RBFOX3: variants seen among roughly 807,000 people sequenced by gnomAD.
The protein encoded by RBFOX3 is RNA binding fox-1 homolog 3.
Under a neutral mutation model 48.7 loss-of-function variants are expected in RBFOX3, and 17 were observed. The observed-to-expected ratio is 0.35, with a 90% CI of 0.24 to 0.52. The LOEUF is 0.52. Ranked by LOEUF, RBFOX3 falls within the 20% of genes least tolerant of loss-of-function variation. The pLI is 0.94. For missense variants in RBFOX3, 382 were observed against 497.5 expected (o/e 0.77, Z 2.21); for synonymous variants, 212 against 209.5 (o/e 1.01, Z -0.10).
At chr17:79,374,231 G>C (rs906951871) in intron 2 of RBFOX3, among the ~76,000 whole-genome samples, 1 of 152,214 alleles carries the variant, frequency 6.6e-6, no homozygotes, top group Non-Finnish European at 1.5e-5. Flanking sequence ...AGGGAGAGGA[G>C]GGGCTGACGA....
intron 3 of RBFOX3, among the ~76,000 whole-genome samples, chr17:79,283,127 G>A (rs2070980652): frequency 6.6e-6 from 1 of 152,162 alleles, no homozygotes; most frequent in South Asian, 2.1e-4. Context: ...TAAAGCCATC[G>A]ATATTTTGTC....
chr17:79,470,852 T>A (rs1326864562), intron 2 of RBFOX3, among the ~76,000 whole-genome samples: 1 of 152,178 alleles, frequency 6.6e-6, no homozygotes, highest in Non-Finnish European at 1.5e-5. Context: ...CCCTCAGGGG[T>A]ACAGGTTTAA....
chr17:79,341,345 A>G lies in RBFOX3; in HGVS notation c.-174-33521T>C, dbSNP rs990500713. ...CAGAAATGTCCAATTCATATGCCACAGCCCACTTTTTTGCAGCCTCCTTTT... is the reference window on the plus strand; with the variant it reads ...CAGAAATGTCCAATTCATATGCCACGGCCCACTTTTTTGCAGCCTCCTTTT... On this transcript the variant is annotated intron_variant, in intron 2 of 14. Transcript: ENST00000693108. Among the ~76,000 whole-genome samples the G allele has an allele frequency of 2.0e-5, 3 of 152,238 alleles. No homozygotes were observed. The South Asian group carries it at 6.2e-4, about 32-fold the overall frequency.
At chr17:79,329,143 G>T (rs992929320) in intron 2 of RBFOX3, among the ~76,000 whole-genome samples, 8 of 152,108 alleles carry the variant, frequency 5.3e-5, no homozygotes, top group African/African-American at 1.9e-4. Flanking sequence ...CCTCTCCAGG[G>T]AACCATTCAC....
intron 2 of RBFOX3, among the ~76,000 whole-genome samples, chr17:79,322,931 T>G (rs889259040): frequency 6.6e-6 from 1 of 152,242 alleles, no homozygotes; most frequent in Admixed American, 6.5e-5. Flanking sequence ...CGTATTGGAT[T>G]GCTGGCACTG....
At chr17:79,416,956 T>C (rs1313352751) in intron 2 of RBFOX3, among the ~76,000 whole-genome samples, 22 of 152,226 alleles carry the variant, frequency 1.4e-4, no homozygotes, top group Admixed American at 1.4e-3. Flanking sequence ...ATCCGAGGAA[T>C]ACCACAGTTG....
intron 1 of RBFOX3, among the ~76,000 whole-genome samples, chr17:79,516,582 AC>A (rs1157845381): frequency 1.3e-5 from 2 of 152,208 alleles, no homozygotes; most frequent in African/African-American, 4.8e-5. Flanking sequence ...AGGTCCTGGG[AC>A]CCTCATTCCT....
chr17:79,414,344 C>T (rs545686994), intron 2 of RBFOX3, among the ~76,000 whole-genome samples: 23 of 152,300 alleles, frequency 1.5e-4, no homozygotes, highest in East Asian at 1.9e-4. Context: ...TAATGTACAG[C>T]GAGTTCCTTC....
intron 4 of RBFOX3, among the ~76,000 whole-genome samples, chr17:79,155,928 C>T (rs1490070344): frequency 6.6e-6 from 1 of 152,180 alleles, no homozygotes; most frequent in Non-Finnish European, 1.5e-5. Flanking sequence ...GCCTTGGTGC[C>T]AATTCAGCAT....
chr17:79,273,802 G>A (rs2068203674), intron 3 of RBFOX3, among the ~76,000 whole-genome samples: 1 of 152,224 alleles, frequency 6.6e-6, no homozygotes, highest in Admixed American at 6.5e-5. Context: ...GAGCTGGGCT[G>A]CAGGGAGCCC....
chr17:79,142,681 G>T (rs893250498), intron 4 of RBFOX3, among the ~76,000 whole-genome samples: 1 of 152,160 alleles, frequency 6.6e-6, no homozygotes, highest in Non-Finnish European at 1.5e-5. Context: ...GGTGCCGGGG[G>T]TGCACCTGGG....
rs570459784 is a variant in RBFOX3, at chr17:79,361,432, C to A, written c.-174-53608G>T. 2.0e-5 allele frequency among the ~76,000 whole-genome samples: 3 copies of A among 152,268 alleles called. No homozygotes were observed. The South Asian group carries it at 6.2e-4, about 32-fold the overall frequency. ...AACATCTCTCAGATGCTGGGAGGAC[C>A]CTCACGGTGGCCCTTGGTTACTGGA... is the stretch of plus-strand genomic sequence containing the variant. On this transcript the variant is annotated intron_variant, in intron 2 of 14. Transcript: ENST00000693108. The surrounding 1 kb of genome is among the most constrained non-coding windows in gnomAD (Gnocchi z 4.5).
chr17:79,644,387 A>G, the RBFOX3 span, among the ~76,000 whole-genome samples: 1 of 152,212 alleles, frequency 6.6e-6, no homozygotes, highest in Non-Finnish European at 1.5e-5. Context: ...ACAGACTGAC[A>G]TAACTCATGA....
chr17:79,542,542 G>A (rs1301101474), intron 1 of RBFOX3, among the ~76,000 whole-genome samples: 1 of 152,208 alleles, frequency 6.6e-6, no homozygotes, highest in African/African-American at 2.4e-5. Context: ...CCAGCACTCT[G>A]GGAGGCCAAG....
intron 4 of RBFOX3, among the ~76,000 whole-genome samples, chr17:79,218,956 AG>A (rs1256729393): frequency 2.6e-5 from 4 of 152,204 alleles, no homozygotes; most frequent in African/African-American, 9.6e-5. Flanking sequence ...TCTGACTCCC[AG>A]GGGCCATCCG....
chr17:79,175,659 G>A (rs2050370119), intron 4 of RBFOX3, among the ~76,000 whole-genome samples: 1 of 152,212 alleles, frequency 6.6e-6, no homozygotes, highest in Non-Finnish European at 1.5e-5. Context: ...AGCTCCCCAG[G>A]GTCAGATGCT....
At chr17:79,318,854 C>CAAAAAAAAAA (rs71161660) in intron 2 of RBFOX3, among the ~76,000 whole-genome samples, 4 of 32,524 alleles carry the variant, frequency 1.2e-4, no homozygotes, top group African/African-American at 1.4e-4. Flanking sequence ...GACTCCATCT[C>CAAAAAAAAAA]AAAAAAAAAA....
intron 2 of RBFOX3, among the ~76,000 whole-genome samples, chr17:79,372,980 C>G (rs939798523): frequency 1.3e-5 from 2 of 152,158 alleles, no homozygotes; most frequent in African/African-American, 4.8e-5. Context: ...CAAGGGCCAG[C>G]AATTAGAGCC....
rs1555756728 is a variant in RBFOX3 at position 79,471,208 on chromosome 17, G to A, written c.-175+11246C>T. 6.6e-6 allele frequency among the ~76,000 whole-genome samples: 1 copy of A among 152,182 alleles called. No individual in the cohort carries two copies. Among genetic ancestry groups the A allele is most frequent in the Non-Finnish European group, 1.5e-5 (1 of 68,044 alleles). ...GCTGGAAGAGGCCAGGACACACGAA[G>A]GGTCTCTCATGGGAAGCAGCCATCG... is the stretch of plus-strand genomic sequence containing the variant. On this transcript the variant is annotated intron_variant, in intron 2 of 14. Coordinates refer to ENST00000693108, the MANE Select transcript of RBFOX3 (RefSeq NM_001350451.2). This position sits in a 1 kb window ranked among gnomAD's most constrained non-coding sequence, Gnocchi z 4.0.
Sources: gnomAD v4.1 joint callset for allele counts (sites outside exome capture counted in the v4.1 genomes callset) on GRCh38, gnomAD v4.1.1 for gene constraint, Gnocchi (gnomAD v3.1) non-coding constraint, MANE v1.5 for transcripts, NCBI Gene and HGNC (gene_info 2026-07-23, HGNC 2026-07-21) for gene names.